Variants in SLC25A17 observed in about 807,000 individuals in gnomAD.
SLC25A17 encodes peroxisomal membrane protein PMP34.
In SLC25A17, 26 loss-of-function variants were observed where a neutral mutation model predicts 38.5. The ratio of observed to expected loss-of-function variants is 0.68; its 90% CI spans 0.50 to 0.94. The LOEUF (loss-of-function observed/expected upper bound fraction) is 0.94, where lower values mean the gene tolerates loss of function less well. SLC25A17 is among the 40% of genes least tolerant of loss of function. The pLI is 0.00. For missense variants in SLC25A17, 333 were observed against 372.7 expected, an observed-to-expected ratio of 0.89 and a Z score of 0.88; for synonymous variants, 139 against 136.2, an observed-to-expected ratio of 1.02 and a Z score of -0.14.
At chr22:40,779,922 T>C (rs1157905350) in intron 4 of SLC25A17, 8 of 152,198 alleles carry the variant, frequency 5.3e-5, no homozygotes, top group African/African-American at 1.9e-4. Flanking sequence ...AAATACCAGA[T>C]AGAATTGTAA....
At position 40,775,755 on chromosome 22, in the gene SLC25A17, G is replaced by A. The variant is rs552918914; in HGVS notation, c.693+1285C>T. 9.9e-5 allele frequency among the ~76,000 whole-genome samples: 15 copies of A among 152,200 alleles called. No homozygotes were observed. In the East Asian group the frequency reaches 1.4e-3, roughly 14 times the overall value. The stretch of plus-strand genomic sequence containing the variant: ...TGGGATTACAGGCGTGAGCCACCGC[G>A]CCCAACCGATCTGATGGTTTTATAG... On this transcript the variant is annotated intron_variant, in intron 7 of 8. Coordinates refer to ENST00000435456, the MANE Select transcript of SLC25A17 (RefSeq NM_006358.4).
chr22:40,811,969 G>A (rs2057585698), intron 1 of SLC25A17, among the ~76,000 whole-genome samples: 1 of 122,030 alleles, frequency 8.2e-6, no homozygotes, highest in African/African-American at 3.2e-5. Context: ...GGGATTTGGG[G>A]GTTCCTCTTT....
chr22:40,772,729 C>A (rs557703518), intron 8 of SLC25A17, among the ~76,000 whole-genome samples: 1 of 151,844 alleles, frequency 6.6e-6, no homozygotes, highest in Non-Finnish European at 1.5e-5. Flanking sequence ...CTCAATCTGC[C>A]GGGCTCAAGT....
At chr22:40,801,218 G>A (rs912534909) in intron 1 of SLC25A17, among the ~76,000 whole-genome samples, 1 of 136,366 alleles carries the variant, frequency 7.3e-6, no homozygotes, top group Non-Finnish European at 1.5e-5. Flanking sequence ...AGAAAATTTG[G>A]TAGGCCTATT....
At chr22:40,795,394 G>A (rs898911863) in intron 2 of SLC25A17, among the ~76,000 whole-genome samples, 20 of 151,694 alleles carry the variant, frequency 1.3e-4, no homozygotes, top group African/African-American at 3.9e-4. Flanking sequence ...CTGGGTTCAC[G>A]CCATTGTCCT....
intron 1 of SLC25A17, among the ~76,000 whole-genome samples, chr22:40,800,000 G>A (rs1255511969): frequency 2.6e-5 from 4 of 151,986 alleles, no homozygotes; most frequent in South Asian, 2.1e-4. Flanking sequence ...CAAAATACCC[G>A]GTAATTAAAC....
chr22:40,794,519 T>C lies in SLC25A17; in HGVS notation c.177A>G (p.Glu59=). ...TGAACTGAGGTAGTACTCACAGTCC[T>C]TCTTCTTTAATGATCTCCAGGAGCA... ...HMVLLEIIKE[E]GLLAPYRGWF... Residue 59 remains glutamate, a synonymous_variant, in exon 3 of 9, where the codon GAA becomes GAG. Transcript: ENST00000435456. 1 of 1,607,178 alleles carries C rather than the reference T, an allele frequency of 6.2e-7. No individual in the cohort carries two copies. Among genetic ancestry groups the C allele is most frequent in the Non-Finnish European group, 8.5e-7 (1 of 1,174,046 alleles).
intron 4 of SLC25A17, among the ~76,000 whole-genome samples, chr22:40,790,573 G>A (rs778241902): frequency 6.6e-6 from 1 of 152,136 alleles, no homozygotes; most frequent in Non-Finnish European, 1.5e-5. Context: ...GCTGTGTTAG[G>A]TATGGGGGAG....
At chr22:40,809,116 TTG>T (rs1351570532) in intron 1 of SLC25A17, among the ~76,000 whole-genome samples, 2 of 152,190 alleles carry the variant, frequency 1.3e-5, no homozygotes, top group African/African-American at 4.8e-5. Flanking sequence ...CTTTTTTTTT[TTG>T]TAGAGGCGAG....
In SLC25A17 at chr22:40,775,625, G is replaced by A. The variant is rs970091741; in HGVS notation, c.693+1415C>T. On this transcript the variant is annotated intron_variant, in intron 7 of 8. Transcript: ENST00000435456. ...ACTACAGGCGCCCGCCACCGCGCCC[G>A]GCTAATTTTTTGTATTTTTAGTAGA... is the stretch of plus-strand genomic sequence containing the variant. Among the ~76,000 whole-genome samples the A allele has an allele frequency of 2.2e-4, 33 of 150,570 alleles. No homozygotes were observed. The South Asian group carries it at 4.3e-3, about 20-fold the overall frequency.
chr22:40,779,141 T>G lies in SLC25A17; in HGVS notation c.335-16A>C, dbSNP rs762348424. The G allele has an allele frequency of 6.2e-7, 1 of 1,614,154 alleles. No homozygotes were observed. Among genetic ancestry groups the G allele is most frequent in the Admixed American group, 1.7e-5 (1 of 60,022 alleles). ...TTAACCACTCCTTTAACAAGAAAGA[T>G]GGAGAGAAAAAGGGAAGGCAAAATG... On this transcript the variant is annotated splice_polypyrimidine_tract_variant and intron_variant, in intron 4 of 8. Coordinates refer to ENST00000435456, the MANE Select transcript of SLC25A17 (RefSeq NM_006358.4).
chr22:40,807,059 CTTGT>C (rs550267404), intron 1 of SLC25A17, among the ~76,000 whole-genome samples: 1 of 152,314 alleles, frequency 6.6e-6, no homozygotes, highest in African/African-American at 2.4e-5. Flanking sequence ...GTTCACCCAT[CTTGT>C]AGCACATACA....
At chr22:40,793,631 A>G (rs1346221780) in intron 3 of SLC25A17, among the ~76,000 whole-genome samples, 1 of 151,380 alleles carries the variant, frequency 6.6e-6, no homozygotes, top group Non-Finnish European at 1.5e-5. Flanking sequence ...TTTTTTTTTG[A>G]AACGGAGTTT....
At chr22:40,805,208 G>A (rs1442425856) in intron 1 of SLC25A17, among the ~76,000 whole-genome samples, 7 of 152,162 alleles carry the variant, frequency 4.6e-5, no homozygotes, top group South Asian at 2.1e-4. Context: ...AGTGGCACAC[G>A]CCTGTAATCC....
At chr22:40,803,863 C>T (rs1403757477) in intron 1 of SLC25A17, among the ~76,000 whole-genome samples, 2 of 150,912 alleles carry the variant, frequency 1.3e-5, no homozygotes, top group Non-Finnish European at 2.9e-5. Flanking sequence ...AGTGGCTCAC[C>T]GTATGCTACA....
intron 3 of SLC25A17, 42 bp from the exon 4 acceptor site, chr22:40,792,718 A>G: frequency 2.5e-6 from 4 of 1,601,748 alleles, no homozygotes; most frequent in Non-Finnish European, 3.4e-6. Flanking sequence ...GTCATGGACA[A>G]ATTAGAAATT....
At chr22:40,801,947 T>G (rs1413074879) in intron 1 of SLC25A17, among the ~76,000 whole-genome samples, 2 of 152,084 alleles carry the variant, frequency 1.3e-5, no homozygotes, top group Non-Finnish European at 2.9e-5. Flanking sequence ...CCCGCCTCCA[T>G]GCCCAGCTAA....
chr22:40,806,627 G>T (rs2057532528), intron 1 of SLC25A17, among the ~76,000 whole-genome samples: 1 of 151,930 alleles, frequency 6.6e-6, no homozygotes, highest in Admixed American at 6.6e-5. Flanking sequence ...CCATTTTAAA[G>T]TATTCCATTC....
At chr22:40,801,859 C>T (rs2057487453) in intron 1 of SLC25A17, among the ~76,000 whole-genome samples, 1 of 152,090 alleles carries the variant, frequency 6.6e-6, no homozygotes, top group East Asian at 1.9e-4. Flanking sequence ...GGCGGGATTT[C>T]GGCTCACTGC....
Sources: allele counts gnomAD v4.1 joint callset (sites outside exome capture counted in the v4.1 genomes callset), GRCh38; gene constraint gnomAD v4.1.1; transcripts MANE v1.5; gene names NCBI Gene and HGNC (gene_info 2026-07-23, HGNC 2026-07-21).